The following CERKL variants were observed in gnomAD, a reference collection of about 807,000 sequenced individuals.
CERKL encodes ceramide kinase-like protein.
Under a neutral mutation model 63.4 loss-of-function variants are expected in CERKL, and 61 were observed. The observed-to-expected ratio is 0.96, with a 90% CI of 0.78 to 1.19. The LOEUF is 1.19. Among genes scored for constraint, CERKL ranks in the 50% most tolerant of loss-of-function variants. The probability of loss-of-function intolerance (pLI) is 0.00; values close to 1 mark genes in which losing one functional copy is unlikely to be tolerated. For synonymous variants in CERKL, 250 were observed against 230.5 expected, an observed-to-expected ratio of 1.08 and a Z score of -0.77; for missense variants, 675 against 655.5, an observed-to-expected ratio of 1.03 and a Z score of -0.33.
intron 11 of CERKL, among the ~76,000 whole-genome samples, chr2:181,543,034 G>A (rs533728452): frequency 6.6e-5 from 10 of 151,862 alleles, no homozygotes; most frequent in African/African-American, 1.9e-4. Flanking sequence ...ACTTCTCAGG[G>A]GTACATTAAT....
chr2:181,561,026 G>A (rs570914570), intron 4 of CERKL, among the ~76,000 whole-genome samples: 1 of 152,234 alleles, frequency 6.6e-6, no homozygotes, highest in South Asian at 2.1e-4. Flanking sequence ...AAGAAAATCT[G>A]AAAAACTATT....
chr2:181,537,980 T>TAG lies in CERKL; in HGVS notation c.*202_*203dup. On this transcript the variant is annotated 3_prime_UTR_variant, in exon 13 of 13. Coordinates refer to ENST00000410087, the MANE Select transcript of CERKL (RefSeq NM_201548.5). ...ATGGTGAACTGGTATGTGAGGGATCTAGAGTGCCATGTTCCTCAAGAGAAT... is the reference window on the plus strand; with the variant it reads ...ATGGTGAACTGGTATGTGAGGGATCTAGAGAGTGCCATGTTCCTCAAGAGAAT... 1 of 666,598 alleles carries TAG rather than the reference T, an allele frequency of 1.5e-6. No individual in the cohort carries two copies. The highest frequency in any genetic ancestry group is 2.8e-6 in the Non-Finnish European group (1 of 356,108). The allele number at this position is 666,598 out of a possible 1,614,324, so 41.3% of individuals were successfully genotyped here.
Position 181,565,957 on chromosome 2 carries a change from C to T in CERKL, c.677+101G>A, listed in dbSNP as rs932983133. 5.0e-6 allele frequency: 4 copies of T among 794,528 alleles called. No individual in the cohort carries two copies. In the African/African-American group the frequency reaches 5.2e-5, roughly 10 times the overall value. The allele number at this position is 794,528 out of a possible 1,614,324, so 49.2% of individuals were successfully genotyped here. A position where few individuals can be genotyped will look rare whatever the true frequency, so the allele number is the denominator to read the frequency against. ...AGATAGAGCCAAAGTACATACACTA[C>T]AAATATTTTTAAATGTTAGGTTCCA... is the stretch of plus-strand genomic sequence containing the variant. On this transcript the variant is annotated intron_variant, in intron 4 of 12. Transcript: ENST00000410087.
chr2:181,548,853 A>G lies in CERKL; in HGVS notation c.900T>C (p.His300=), dbSNP rs183252158. ...ITATLHIIMG[H]VQLVDVCTFS... The stretch of plus-strand genomic sequence containing the variant: ...AGGTGCAGACGTCGACCAGCTGTAC[A>G]TGCCCTTGAATATTACATTAAATAT... The change falls in exon 7 of 13, where the codon CAT becomes CAC. Residue 300 remains histidine (H), a synonymous_variant. Transcript: ENST00000410087. 3.9e-4 allele frequency: 630 copies of G among 1,613,554 alleles called. 2 individuals are homozygous for G. Among genetic ancestry groups the G allele is most frequent in the Non-Finnish European group, 4.9e-4 (573 of 1,179,568 alleles).
At chr2:181,647,677 T>C (rs1419798667) in intron 1 of CERKL, among the ~76,000 whole-genome samples, 3 of 152,138 alleles carry the variant, frequency 2.0e-5, no homozygotes. Flanking sequence ...TTCCACTAGA[T>C]GTGCAGATGT....
chr2:181,640,555 T>C (rs1258819651), intron 1 of CERKL, among the ~76,000 whole-genome samples: 1 of 152,184 alleles, frequency 6.6e-6, no homozygotes, highest in African/African-American at 2.4e-5. Context: ...AGTATTCTAG[T>C]GCTGAGATTA....
intron 2 of CERKL, among the ~76,000 whole-genome samples, chr2:181,585,326 A>T (rs1323643920): frequency 6.6e-6 from 1 of 152,168 alleles, no homozygotes; most frequent in Non-Finnish European, 1.5e-5. Flanking sequence ...ATATTCTTTT[A>T]AAAACCCCAA....
intron 1 of CERKL, among the ~76,000 whole-genome samples, chr2:181,642,123 A>T (rs1206590306): frequency 6.6e-6 from 1 of 152,194 alleles, no homozygotes; most frequent in Non-Finnish European, 1.5e-5. Flanking sequence ...ACAGAACTAA[A>T]TTTTTTTCTA....
Position 181,605,475 on chromosome 2 carries a change from C to G in CERKL, c.239-1396G>C, listed in dbSNP as rs542623247. On this transcript the variant is annotated intron_variant, in intron 1 of 12. Coordinates refer to ENST00000410087, the MANE Select transcript of CERKL (RefSeq NM_201548.5). ...GTTCCTACCAGCTGAAGTGGAAAAA[C>G]ATGGAAATTCATATGACATTATGGT... Among the ~76,000 whole-genome samples, 4 of 152,264 alleles carry G rather than the reference C, an allele frequency of 2.6e-5. No individual in the cohort carries two copies. In the East Asian group the frequency reaches 7.7e-4, roughly 29 times the overall value.
chr2:181,650,513 C>T lies in CERKL; in HGVS notation c.238+6256G>A, dbSNP rs187987594. Among the ~76,000 whole-genome samples the T allele has an allele frequency of 2.8e-4, 43 of 152,300 alleles. No homozygotes were observed. The East Asian group carries it at 5.6e-3, about 20-fold the overall frequency. Reference sequence around the variant, plus strand: ...GTGGCTCATGCCTGTAATCCCAGCACTTTGGGAGGCCACGGCAGGCAGAAC... The same window carrying T: ...GTGGCTCATGCCTGTAATCCCAGCATTTTGGGAGGCCACGGCAGGCAGAAC... On this transcript the variant is annotated intron_variant, in intron 1 of 12. Transcript: ENST00000410087.
intron 10 of CERKL, among the ~76,000 whole-genome samples, chr2:181,545,459 G>C (rs944465853): frequency 2.6e-5 from 4 of 152,166 alleles, no homozygotes; most frequent in Non-Finnish European, 5.9e-5. Context: ...GCAGTTTGCA[G>C]AAATACATAC....
At chr2:181,539,898 C>G (rs549134808) in intron 11 of CERKL, among the ~76,000 whole-genome samples, 1 of 152,228 alleles carries the variant, frequency 6.6e-6, no homozygotes, top group Non-Finnish European at 1.5e-5. Flanking sequence ...ACTGAAAAAG[C>G]ACTATGTATT....
intron 2 of CERKL, among the ~76,000 whole-genome samples, chr2:181,588,636 T>C (rs1330793604): frequency 1.3e-5 from 2 of 152,210 alleles, no homozygotes; most frequent in African/African-American, 4.8e-5. Context: ...CATATGGTAG[T>C]TCTACTTTAA....
At chr2:181,559,789 G>A (rs1434551731) in intron 4 of CERKL, among the ~76,000 whole-genome samples, 1 of 152,160 alleles carries the variant, frequency 6.6e-6, no homozygotes, top group Non-Finnish European at 1.5e-5. Flanking sequence ...ACCAAAGGCT[G>A]AAAGTGTCTT....
At chr2:181,604,427 G>T (rs1174812549) in intron 1 of CERKL, among the ~76,000 whole-genome samples, 3 of 152,148 alleles carry the variant, frequency 2.0e-5, no homozygotes, top group Non-Finnish European at 4.4e-5. Context: ...TGCCCTTTAT[G>T]CCAGTCCCTA....
At chr2:181,559,193 T>A (rs1028656953) in intron 4 of CERKL, among the ~76,000 whole-genome samples, 1 of 152,180 alleles carries the variant, frequency 6.6e-6, no homozygotes, top group Non-Finnish European at 1.5e-5. Context: ...CATTACTATA[T>A]GAATGTAGTA....
intron 9 of CERKL, 35 bp from the exon 10 acceptor site, chr2:181,547,761 C>T: frequency 1.2e-6 from 2 of 1,613,654 alleles, no homozygotes; most frequent in South Asian, 2.2e-5. Context: ...TATTTTCCCT[C>T]ACCAGAACAA....
At chr2:181,613,118 TTCTG>T (rs4018766) in intron 1 of CERKL, among the ~76,000 whole-genome samples, 55,077 of 151,752 alleles carry the variant, frequency 0.36, 11,072 homozygotes, top group South Asian at 0.67. Flanking sequence ...AACTTATTCA[TTCTG>T]TCTAACTGAA....
Position 181,537,312 on chromosome 2 carries a change from A to AGTGAAAGCAGAGTACTAT in CERKL, c.*854_*871dup, listed in dbSNP as rs1687185137. Reference sequence around the variant, plus strand: ...TATATATTTCAGGTTATCTGAGCACAGTGAAAGCAGAGTACTATGGTTGTC... The same window carrying AGTGAAAGCAGAGTACTAT: ...TATATATTTCAGGTTATCTGAGCACAGTGAAAGCAGAGTACTATGTGAAAGCAGAGTACTATGGTTGTC... On this transcript the variant is annotated 3_prime_UTR_variant, in exon 13 of 13. Transcript: ENST00000410087. 1 of 453,858 alleles carries AGTGAAAGCAGAGTACTAT rather than the reference A, an allele frequency of 2.2e-6. No individual in the cohort carries two copies. Among genetic ancestry groups the AGTGAAAGCAGAGTACTAT allele is most frequent in the Non-Finnish European group, 4.4e-6 (1 of 226,726 alleles). The allele number at this position is 453,858 out of a possible 1,614,324, so 28.1% of individuals were successfully genotyped here.
Sources: allele counts gnomAD v4.1 joint callset (sites outside exome capture counted in the v4.1 genomes callset), GRCh38; gene constraint gnomAD v4.1.1; transcripts MANE v1.5; gene names NCBI Gene and HGNC (gene_info 2026-07-23, HGNC 2026-07-21).